PPP1R12B: variants seen among roughly 807,000 people sequenced by gnomAD.
PPP1R12B encodes the protein protein phosphatase 1 regulatory subunit 12B, also known as myosin phosphatase target subunit 2.
Under a neutral mutation model 126.1 loss-of-function variants are expected in PPP1R12B, and 76 were observed. The observed-to-expected ratio is 0.60, with a 90% confidence interval of 0.50 to 0.73. The LOEUF (loss-of-function observed/expected upper bound fraction) is 0.73. PPP1R12B is among the 30% of genes least tolerant of loss of function. The pLI is 0.00. For synonymous variants in PPP1R12B, 356 were observed against 434.7 expected, an observed-to-expected ratio of 0.82 and a Z score of 2.25; for missense variants, 1,052 against 1,205.1, an observed-to-expected ratio of 0.87 and a Z score of 1.88.
chr1:202,539,902 C>T (rs1684933307), intron 18 of PPP1R12B: 1 of 504,660 alleles, frequency 2.0e-6, no homozygotes, highest in Non-Finnish European at 3.0e-6. Flanking sequence ...GTCCTGAGAA[C>T]CTGTGGTCAA....
intron 1 of PPP1R12B, among the ~76,000 whole-genome samples, chr1:202,363,334 C>T (rs967619339): frequency 6.6e-6 from 1 of 152,154 alleles, no homozygotes; most frequent in Non-Finnish European, 1.5e-5. Context: ...ATTGCTTGTA[C>T]TTCATGTTGA....
In PPP1R12B at chr1:202,494,421, A is replaced by G. The variant is rs939586155; in HGVS notation, c.2146-872A>G. On this transcript the variant is annotated intron_variant, in intron 15 of 23. Transcript: ENST00000608999. Reference sequence around the variant, plus strand: ...TTGAACAAAGATCTTTCTGACTCCAAATTTACTACATTTTATTGTATATGT... The same window carrying G: ...TTGAACAAAGATCTTTCTGACTCCAGATTTACTACATTTTATTGTATATGT... Among the ~76,000 whole-genome samples the G allele has an allele frequency of 2.6e-5, 4 of 152,272 alleles. No homozygotes were observed. The East Asian group carries it at 5.8e-4, about 22-fold the overall frequency.
At position 202,390,639 on chromosome 1, in the gene PPP1R12B, C is replaced by A. The variant is rs77223038; in HGVS notation, c.292-26148C>A. ...TTAACCTCCCAAGTAACAAGGACTG[C>A]AGGTGTGTGACATCACATCCAGCTT... On this transcript the variant is annotated intron_variant, in intron 1 of 23. Coordinates refer to ENST00000608999, the MANE Select transcript of PPP1R12B (RefSeq NM_002481.4). 4.8e-3 allele frequency among the ~76,000 whole-genome samples: 721 copies of A among 150,714 alleles called. 2 individuals are homozygous for A. The highest frequency in any genetic ancestry group is 0.017 in the African/African-American group (690 of 41,228).
intron 18 of PPP1R12B, among the ~76,000 whole-genome samples, chr1:202,513,917 GAGA>G (rs1681821693): frequency 6.6e-6 from 1 of 152,218 alleles, no homozygotes; most frequent in Admixed American, 6.5e-5. Flanking sequence ...GAAATGATCA[GAGA>G]AGAAGGAAAA....
chr1:202,509,426 T>C (rs576075059), intron 18 of PPP1R12B, among the ~76,000 whole-genome samples: 2 of 152,326 alleles, frequency 1.3e-5, no homozygotes, highest in Non-Finnish European at 2.9e-5. Context: ...GAGGAGAAAG[T>C]CTGAAATGGT....
intron 1 of PPP1R12B, among the ~76,000 whole-genome samples, chr1:202,409,893 T>C (rs1310905797): frequency 2.0e-5 from 3 of 152,180 alleles, no homozygotes; most frequent in African/African-American, 4.8e-5. Context: ...CCCTAATGAT[T>C]AGTGACATTG....
chr1:202,575,082 A>T, intron 23 of PPP1R12B: 1 of 1,613,574 alleles, frequency 6.2e-7, no homozygotes. Flanking sequence ...CCCTGACCCG[A>T]GTGGTGGCCA....
Position 202,399,536 on chromosome 1 carries a change from G to A in PPP1R12B, c.292-17251G>A, listed in dbSNP as rs547192215. Among the ~76,000 whole-genome samples, 317 of 148,682 alleles carry A rather than the reference G, an allele frequency of 2.1e-3. 1 individual carries two copies. The highest frequency in any genetic ancestry group is 7.5e-3 in the African/African-American group (301 of 40,180). On this transcript the variant is annotated intron_variant, in intron 1 of 23. Transcript: ENST00000608999. The stretch of plus-strand genomic sequence containing the variant: ...TTTTGAAATGGAGTCTTGCTCTGTC[G>A]CCCAGGCTGGAGTGCAATGGCGCAA...
chr1:202,569,916 A>G (rs1337588394), intron 23 of PPP1R12B, among the ~76,000 whole-genome samples: 2 of 152,024 alleles, frequency 1.3e-5, no homozygotes, highest in South Asian at 4.2e-4. Context: ...AAAGCAGTCA[A>G]TTTGCTGCCA....
intron 20 of PPP1R12B, among the ~76,000 whole-genome samples, chr1:202,563,141 C>A (rs1046866987): frequency 6.6e-6 from 1 of 152,130 alleles, no homozygotes; most frequent in African/African-American, 2.4e-5. Flanking sequence ...TTTTTTGAGA[C>A]AAGGTCTCAT....
intron 18 of PPP1R12B, among the ~76,000 whole-genome samples, chr1:202,509,913 A>C (rs1279304273): frequency 6.6e-6 from 1 of 152,202 alleles, no homozygotes; most frequent in Non-Finnish European, 1.5e-5. Context: ...AAGTGATGAA[A>C]ACTGACATTA....
intron 13 of PPP1R12B, among the ~76,000 whole-genome samples, chr1:202,485,154 C>G (rs765958604): frequency 6.6e-6 from 1 of 152,178 alleles, no homozygotes; most frequent in African/African-American, 2.4e-5. Flanking sequence ...CCCCCCTGTG[C>G]AGCTTTGGCT....
chr1:202,468,313 G>A (rs1414437144), intron 13 of PPP1R12B, among the ~76,000 whole-genome samples: 1 of 152,152 alleles, frequency 6.6e-6, no homozygotes, highest in East Asian at 1.9e-4. Flanking sequence ...CCTATGTCCT[G>A]AATGGTATTG....
intron 1 of PPP1R12B, among the ~76,000 whole-genome samples, chr1:202,362,131 T>C (rs935198208): frequency 6.6e-6 from 1 of 152,142 alleles, no homozygotes; most frequent in Non-Finnish European, 1.5e-5. Context: ...TAGTGATTTT[T>C]ATTTTTTTTA....
chr1:202,440,894 C>T, intron 11 of PPP1R12B, 106 bp downstream of exon 11: 1 of 862,618 alleles, frequency 1.2e-6, no homozygotes, highest in Non-Finnish European at 1.9e-6. Flanking sequence ...GGTGTCCTTA[C>T]CACATTATGA....
chr1:202,438,366 C>A, intron 10 of PPP1R12B: 1 of 851,862 alleles, frequency 1.2e-6, no homozygotes, highest in Non-Finnish European at 1.8e-6. Context: ...GTCCTGGATC[C>A]AGAGGGCCAA....
intron 18 of PPP1R12B, among the ~76,000 whole-genome samples, chr1:202,520,937 G>A (rs1400107740): frequency 6.6e-6 from 1 of 152,118 alleles, no homozygotes; most frequent in African/African-American, 2.4e-5. Flanking sequence ...ATGGGCAATT[G>A]GGACCAGGTT....
In PPP1R12B at chr1:202,583,521, C is replaced by G. The variant is rs902222573; in HGVS notation, c.*2961C>G. 1 of 152,166 alleles carries G rather than the reference C, an allele frequency of 6.6e-6. No homozygotes were observed. The highest frequency in any genetic ancestry group is 2.4e-5 in the African/African-American group (1 of 41,442). 9.4% of individuals were successfully genotyped at this position (152,166 alleles called of 1,614,324 possible). ...TATCCTAGGTAATTTCAGGTACTTT[C>G]TCTTATGCAATTAATTTTATTAACT... On this transcript the variant is annotated 3_prime_UTR_variant, in exon 24 of 24. Coordinates refer to ENST00000608999, the MANE Select transcript of PPP1R12B (RefSeq NM_002481.4).
rs763020580 is a variant in PPP1R12B at position 202,370,411 on chromosome 1, C to CT, written c.291+21277dup. ...TGATTATTGACATTTGAGTTATTTC[C>CT]TTTTTTTTGCTATTATGAATAAAGA... is the stretch of plus-strand genomic sequence containing the variant. On this transcript the variant is annotated intron_variant, in intron 1 of 23. Coordinates refer to ENST00000608999, the MANE Select transcript of PPP1R12B (RefSeq NM_002481.4). Among the ~76,000 whole-genome samples, 336 of 151,688 alleles carry CT rather than the reference C, an allele frequency of 2.2e-3. 1 individual carries two copies. Among genetic ancestry groups the CT allele is most frequent in the African/African-American group, 7.4e-3 (306 of 41,344 alleles).
Sources: allele counts gnomAD v4.1 joint callset (sites outside exome capture counted in the v4.1 genomes callset), GRCh38; gene constraint gnomAD v4.1.1; transcripts MANE v1.5; gene names NCBI Gene and HGNC (gene_info 2026-07-23, HGNC 2026-07-21).